The following PRELID2 variants were observed in gnomAD, a reference collection of about 807,000 sequenced individuals.
PRELID2 encodes the protein PRELI domain containing 2.
Under a neutral mutation model 28.4 loss-of-function variants are expected in PRELID2, and 25 were observed. The observed-to-expected ratio is 0.88, with a 90% CI of 0.64 to 1.23. The LOEUF is 1.23. Among genes scored for constraint, PRELID2 ranks in the 50% most tolerant of loss-of-function variants. The probability of loss-of-function intolerance (pLI) is 0.00; values close to 1 mark genes in which losing one functional copy is unlikely to be tolerated. For missense variants in PRELID2, 201 were observed against 214.4 expected (o/e 0.94, Z 0.39); for synonymous variants, 76 against 71.6 (o/e 1.06, Z -0.31).
chr5:145,515,862 T>C (rs1421999700), intron 1 of PRELID2, among the ~76,000 whole-genome samples: 1 of 152,088 alleles, frequency 6.6e-6, no homozygotes, highest in Non-Finnish European at 1.5e-5. Flanking sequence ...ACGTAATCCA[T>C]CACATAAACA....
chr5:145,622,465 C>A (rs1309206915), intron 1 of PRELID2, among the ~76,000 whole-genome samples: 1 of 152,016 alleles, frequency 6.6e-6, no homozygotes, highest in African/African-American at 2.4e-5. Context: ...AGGAACAAAT[C>A]TGAGATACAA....
At chr5:145,455,839 C>T in the PRELID2 span, among the ~76,000 whole-genome samples, 1 of 152,220 alleles carries the variant, frequency 6.6e-6, no homozygotes, top group African/African-American at 2.4e-5. Flanking sequence ...ACACCCCTCC[C>T]TGTTTTGGCT....
At chr5:145,750,237 G>GT (rs1263389218) in intron 1 of PRELID2, among the ~76,000 whole-genome samples, 1 of 151,894 alleles carries the variant, frequency 6.6e-6, no homozygotes, top group Admixed American at 6.6e-5. Flanking sequence ...AGATTGCTGA[G>GT]TGTTTAACTA....
At chr5:145,398,463 A>C in the PRELID2 span, among the ~76,000 whole-genome samples, 1 of 151,998 alleles carries the variant, frequency 6.6e-6, no homozygotes, top group Non-Finnish European at 1.5e-5. Context: ...CCTGTCTCTC[A>C]TGCCTGCCTT....
chr5:145,536,714 A>C (rs112900488), intron 1 of PRELID2, among the ~76,000 whole-genome samples: 2,075 of 151,998 alleles, frequency 0.014, 12 homozygotes, highest in Middle Eastern at 0.02. Flanking sequence ...GGCTGTAATG[A>C]AATATTGGTT....
rs376185297 is a variant in PRELID2 at position 145,823,022 on chromosome 5, C to T, written c.133+55G>A. ...ACACACACACGTACACACATCTTTA[C>T]AAAAATCACTATCATTTAATGATCA... is the stretch of plus-strand genomic sequence containing the variant. On this transcript the variant is annotated intron_variant, in intron 2 of 6. Transcript: ENST00000683046. 27 of 1,001,850 alleles carry T rather than the reference C, an allele frequency of 2.7e-5. No individual in the cohort carries two copies. The African/African-American group carries it at 3.4e-4, about 12-fold the overall frequency. The allele number at this position is 1,001,850 out of a possible 1,614,324, so 62.1% of individuals were successfully genotyped here. A position where few individuals can be genotyped will look rare whatever the true frequency, so the allele number is the denominator to read the frequency against.
At chr5:145,406,927 T>C in the PRELID2 span, among the ~76,000 whole-genome samples, 1 of 152,090 alleles carries the variant, frequency 6.6e-6, no homozygotes, top group Non-Finnish European at 1.5e-5. Flanking sequence ...GCACTCCCAG[T>C]CCCCAGCTCA....
intron 4 of PRELID2, among the ~76,000 whole-genome samples, chr5:145,803,822 T>C (rs1753313521): frequency 6.6e-6 from 1 of 151,418 alleles, no homozygotes; most frequent in Admixed American, 6.6e-5. Flanking sequence ...ACTCTGTAAT[T>C]CATTAACTTC....
intron 1 of PRELID2, among the ~76,000 whole-genome samples, chr5:145,682,878 C>T (rs546273352): frequency 6.6e-6 from 1 of 152,310 alleles, no homozygotes; most frequent in African/African-American, 2.4e-5. Context: ...AGCTTTTCAA[C>T]ACTGCTGGTT....
chr5:145,826,137 G>A, intron 1 of PRELID2: 3 of 985,378 alleles, frequency 3.0e-6, no homozygotes, highest in Non-Finnish European at 3.6e-6. Context: ...GTTCACGCAG[G>A]GTGCTATCCT....
chr5:145,709,269 A>G (rs1243281422), intron 1 of PRELID2, among the ~76,000 whole-genome samples: 1 of 152,188 alleles, frequency 6.6e-6, no homozygotes, highest in Non-Finnish European at 1.5e-5. Flanking sequence ...TCTCTTAGGA[A>G]GGGACCCATA....
chr5:145,493,152 G>A lies in PRELID2; in HGVS notation n.71-19837C>T, dbSNP rs146702274. Among the ~76,000 whole-genome samples, 454 of 102,888 alleles carry A rather than the reference G, an allele frequency of 4.4e-3. 37 individuals carry two copies. Among genetic ancestry groups the A allele is most frequent in the African/African-American group, 0.013 (426 of 34,064 alleles). 67.5% of individuals were successfully genotyped at this position (102,888 alleles called of 152,430 possible). A position where few individuals can be genotyped will look rare whatever the true frequency, so the allele number is the denominator to read the frequency against. On this transcript the variant is annotated intron_variant and non_coding_transcript_variant, in intron 1 of 2. Coordinates refer to the PRELID2 transcript ENST00000510259. ...CTTGTGAAGGTATTTTCATATGTGG[G>A]TAGTTGTTCAAATTGATATTTCTAT...
At chr5:145,348,515 C>A in the PRELID2 span, among the ~76,000 whole-genome samples, 3 of 152,084 alleles carry the variant, frequency 2.0e-5, no homozygotes, top group African/African-American at 7.2e-5. Context: ...ACATTCTATA[C>A]CTGCCATTGT....
chr5:145,553,378 A>G (rs1752854386), intron 1 of PRELID2, among the ~76,000 whole-genome samples: 1 of 152,354 alleles, frequency 6.6e-6, no homozygotes, highest in Non-Finnish European at 1.5e-5. Flanking sequence ...GTAAAGGCAG[A>G]GTAGCAAAGT....
rs1178347621 is a variant in PRELID2, at chr5:145,489,803, A to T, written n.71-16488T>A. 4.6e-5 allele frequency among the ~76,000 whole-genome samples: 7 copies of T among 152,204 alleles called. 1 individual carries two copies. On this transcript the variant is annotated intron_variant and non_coding_transcript_variant, in intron 1 of 2. Transcript: ENST00000510259. ...GAGGGAGAATTAACTGATCTCTTTT[A>T]TCTTCAGAATTATGCCTCAGACTTT... is the stretch of plus-strand genomic sequence containing the variant.
intron 1 of PRELID2, among the ~76,000 whole-genome samples, chr5:145,571,993 A>G (rs1389731287): frequency 6.6e-6 from 1 of 151,704 alleles, no homozygotes; most frequent in East Asian, 1.9e-4. Context: ...AAAAAAAAAA[A>G]GAAAGAAAAA....
chr5:145,335,458 T>C, the PRELID2 span, among the ~76,000 whole-genome samples: 1 of 152,136 alleles, frequency 6.6e-6, no homozygotes, highest in Non-Finnish European at 1.5e-5. Context: ...AGGTACTTCA[T>C]AGATCTCCAT....
chr5:145,237,289 T>A, the PRELID2 span, among the ~76,000 whole-genome samples: 2 of 152,162 alleles, frequency 1.3e-5, no homozygotes, highest in South Asian at 2.1e-4. Context: ...CAAATCTGCA[T>A]AACATATCTT....
chr5:145,539,288 C>A lies in PRELID2; in HGVS notation n.71-65973G>T, dbSNP rs556131475. 2.1e-3 allele frequency among the ~76,000 whole-genome samples: 312 copies of A among 152,164 alleles called. 2 individuals carry two copies. The highest frequency in any genetic ancestry group is 3.4e-3 in the Non-Finnish European group (228 of 67,960). On this transcript the variant is annotated intron_variant and non_coding_transcript_variant, in intron 1 of 2. Transcript: ENST00000510259. The stretch of plus-strand genomic sequence containing the variant: ...AGAATCACCAGCTTCAGTACCTGAA[C>A]AACTGACTTTGGTCACTTTCCCCAA...
Sources: gnomAD v4.1 joint callset for allele counts (sites outside exome capture counted in the v4.1 genomes callset) on GRCh38, gnomAD v4.1.1 for gene constraint, MANE v1.5 for transcripts, NCBI Gene and HGNC (gene_info 2026-07-23, HGNC 2026-07-21) for gene names.